The following HERC2 variants were observed in gnomAD, a reference collection of about 807,000 sequenced individuals.
HERC2 encodes E3 ubiquitin-protein ligase HERC2.
HERC2 carries 102 observed loss-of-function variants against 537.7 expected under a neutral mutation model. That is an observed-to-expected ratio of 0.19 (90% CI 0.16 to 0.22). HERC2 has a LOEUF of 0.22. HERC2 is among the 10% of genes least tolerant of loss of function. The pLI, the probability that HERC2 is intolerant of heterozygous loss-of-function variation, is 1.00. For synonymous variants in HERC2, 2,224 were observed against 2,466.2 expected (o/e 0.90, Z 2.91); for missense variants, 4,236 against 6,198.2 (o/e 0.68, Z 10.63).
In HERC2 at chr15:28,269,225, G is replaced by C. The variant is rs567248821; in HGVS notation, c.1446+23C>G. The C allele has an allele frequency of 2.0e-4, 326 of 1,603,988 alleles. 5 individuals carry two copies. In the South Asian group the frequency reaches 3.5e-3, roughly 17 times the overall value. On this transcript the variant is annotated intron_variant, in intron 11 of 92. Coordinates refer to ENST00000261609, the MANE Select transcript of HERC2 (RefSeq NM_004667.6). The stretch of plus-strand genomic sequence containing the variant: ...CCCTGCCCCGCAAGGGAACACTGCA[G>C]GCACAGTGCCCAGAACACTCACCAG...
rs1170152664 is a variant in HERC2 at position 28,214,235 on chromosome 15, G to A, written c.6396C>T (p.Ala2132=). 2 of 1,611,826 alleles carry A rather than the reference G, an allele frequency of 1.2e-6. No individual in the cohort carries two copies. The highest frequency in any genetic ancestry group is 1.7e-6 in the Non-Finnish European group (2 of 1,179,836). ...TGCTGCTGTGGGTGGCAGTCAGCGAGGCCTGCGGGCGCACCCTGCGCCGCC... is the reference window on the plus strand; with the variant it reads ...TGCTGCTGTGGGTGGCAGTCAGCGAAGCCTGCGGGCGCACCCTGCGCCGCC... ...TLRRRRVRPQ[A]SLTATHSSTL... Residue 2132 remains alanine, a synonymous_variant, in exon 41 of 93, where the codon GCC becomes GCT. Coordinates refer to ENST00000261609, the MANE Select transcript of HERC2 (RefSeq NM_004667.6).
intron 56 of HERC2, among the ~76,000 whole-genome samples, chr15:28,183,279 G>A (rs1409907793): frequency 2.0e-5 from 3 of 152,110 alleles, no homozygotes; most frequent in African/African-American, 4.8e-5. Flanking sequence ...GCATAATCCC[G>A]GTTCACTGTA....
In HERC2 at chr15:28,177,089, G is replaced by C. The variant is rs752879268; in HGVS notation, c.9293C>G (p.Thr3098Ser). The change falls in exon 61 of 93, where the codon ACC becomes AGC. Residue 3098 changes from threonine (T) to serine (S), a missense_variant. Thr to Ser is a moderately conservative substitution (Grantham distance 58). This residue lies in a region of HERC2 where 606 missense variants were observed against 884.5 expected (regional missense o/e 0.69). Transcript: ENST00000261609. The surrounding 1 kb of genome is among the most constrained non-coding windows in gnomAD (Gnocchi z 5.0). ...DKPRLIEALKTKRIRDIACGS... is the reference protein window; with the variant it reads ...DKPRLIEALKSKRIRDIACGS... ...ACAGGCGATATCCCGGATACGCTTG[G>C]TTTTCAGGGCCTCGATCAGCCTTGG... is the stretch of plus-strand genomic sequence containing the variant. 1 of 1,613,608 alleles carries C rather than the reference G, an allele frequency of 6.2e-7. No homozygotes were observed. The highest frequency in any genetic ancestry group is 1.7e-5 in the Admixed American group (1 of 60,012).
At chr15:28,279,858 T>C (rs577264486) in intron 5 of HERC2, among the ~76,000 whole-genome samples, 34 of 152,248 alleles carry the variant, frequency 2.2e-4, no homozygotes, top group Admixed American at 3.3e-4. Flanking sequence ...AATAAAATAA[T>C]GGCACAGATT....
chr15:28,310,817 C>A (rs2076921233), intron 2 of HERC2, among the ~76,000 whole-genome samples: 1 of 152,046 alleles, frequency 6.6e-6, no homozygotes, highest in Non-Finnish European at 1.5e-5. Flanking sequence ...GTGGCTGACG[C>A]CTGTAATCCC....
At chr15:28,143,031 GT>G in intron 74 of HERC2, 79 bp from the exon 75 acceptor site, 1 of 1,345,364 alleles carries the variant, frequency 7.4e-7, no homozygotes, top group Non-Finnish European at 1.0e-6. Flanking sequence ...ACCGTCAAAT[GT>G]TTTATTATGT....
chr15:28,175,079 G>C (rs1895128780), intron 64 of HERC2, among the ~76,000 whole-genome samples: 1 of 151,748 alleles, frequency 6.6e-6, no homozygotes, highest in African/African-American at 2.4e-5. Flanking sequence ...ATTTAAAATT[G>C]AATATCCATA....
chr15:28,115,768 C>T (rs1250512779), intron 88 of HERC2, among the ~76,000 whole-genome samples: 1 of 152,218 alleles, frequency 6.6e-6, no homozygotes, highest in Non-Finnish European at 1.5e-5. Context: ...TTTCTGCACG[C>T]ACACTAGTTT....
chr15:28,315,364 G>T (rs2077053416), intron 2 of HERC2, among the ~76,000 whole-genome samples: 1 of 152,256 alleles, frequency 6.6e-6, no homozygotes, highest in Non-Finnish European at 1.5e-5. Context: ...TCACAGCGGA[G>T]ACTGGAGCCG....
At chr15:28,209,130 C>T (rs112503973) in intron 44 of HERC2, among the ~76,000 whole-genome samples, 4 of 152,102 alleles carry the variant, frequency 2.6e-5, no homozygotes, top group South Asian at 4.1e-4. Context: ...TATCTATAAA[C>T]GGATATACAT....
In HERC2 at chr15:28,113,373, C is replaced by A; in HGVS notation, c.14020-90G>T. 7.2e-7 allele frequency: 1 copy of A among 1,389,966 alleles called. No individual in the cohort carries two copies. The highest frequency in any genetic ancestry group is 1.2e-5 in the South Asian group (1 of 81,774). The allele number at this position is 1,389,966 out of a possible 1,614,324, so 86.1% of individuals were successfully genotyped here. ...TCACGCTCCCTCTCTACACCAAGGC[C>A]TGTTTGGGGTGGGGAAAGGTCTGGG... is the stretch of plus-strand genomic sequence containing the variant. On this transcript the variant is annotated intron_variant, in intron 91 of 92. Transcript: ENST00000261609. This position sits in a 1 kb window ranked among gnomAD's most constrained non-coding sequence, Gnocchi z 7.0.
Position 28,113,384 on chromosome 15 carries a change from G to T in HERC2, c.14020-101C>A. 2 of 1,327,734 alleles carry T rather than the reference G, an allele frequency of 1.5e-6. No individual in the cohort carries two copies. The highest frequency in any genetic ancestry group is 1.3e-5 in the South Asian group (1 of 78,802). The allele number at this position is 1,327,734 out of a possible 1,614,324, so 82.2% of individuals were successfully genotyped here. ...CTCTACACCAAGGCCTGTTTGGGGT[G>T]GGGAAAGGTCTGGGGGCTCTGGGTG... is the stretch of plus-strand genomic sequence containing the variant. On this transcript the variant is annotated intron_variant, in intron 91 of 92. Coordinates refer to ENST00000261609, the MANE Select transcript of HERC2 (RefSeq NM_004667.6). The surrounding 1 kb of genome is among the most constrained non-coding windows in gnomAD (Gnocchi z 7.0).
intron 45 of HERC2, among the ~76,000 whole-genome samples, chr15:28,204,780 A>C (rs1276382213): frequency 1.3e-5 from 2 of 152,226 alleles, no homozygotes; most frequent in African/African-American, 4.8e-5. Context: ...AACAAAGCAA[A>C]GCATCTTGAC....
intron 72 of HERC2, 88 bp from the exon 73 acceptor site, chr15:28,144,323 C>A: frequency 2.2e-6 from 3 of 1,381,184 alleles, no homozygotes; most frequent in South Asian, 1.3e-5. Context: ...GTGGCTCCAC[C>A]CAGCCCCACC....
chr15:28,199,751 C>A (rs1045546344), intron 48 of HERC2, among the ~76,000 whole-genome samples: 3 of 152,100 alleles, frequency 2.0e-5, no homozygotes, highest in African/African-American at 7.2e-5. Context: ...GGAGTACATG[C>A]CTATGAAGCT....
chr15:28,165,076 G>T (rs1327080158), intron 68 of HERC2, among the ~76,000 whole-genome samples: 1 of 152,250 alleles, frequency 6.6e-6, no homozygotes, highest in Non-Finnish European at 1.5e-5. Context: ...GCCTGGTGTG[G>T]GGAGCGCCTC....
In HERC2 at chr15:28,163,005, G is replaced by A. The variant is rs372877584; in HGVS notation, c.10746+89C>T. ...GGATGAAACCCAGCACAAGATCACC[G>A]GTGATCCATAGCAGCTCTCCTTTGG... On this transcript the variant is annotated intron_variant, in intron 69 of 92. Coordinates refer to ENST00000261609, the MANE Select transcript of HERC2 (RefSeq NM_004667.6). 3.2e-4 allele frequency: 355 copies of A among 1,107,986 alleles called. 3 individuals carry two copies. In the East Asian group the frequency reaches 7.0e-3, roughly 22 times the overall value. The allele number at this position is 1,107,986 out of a possible 1,614,324, so 68.6% of individuals were successfully genotyped here.
In HERC2 at chr15:28,141,991, T is replaced by G; in HGVS notation, c.11701-145A>C. 4 of 744,620 alleles carry G rather than the reference T, an allele frequency of 5.4e-6. No individual in the cohort carries two copies. The South Asian group carries it at 7.0e-5, about 13-fold the overall frequency. The allele number at this position is 744,620 out of a possible 1,614,324, so 46.1% of individuals were successfully genotyped here. A position where few individuals can be genotyped will look rare whatever the true frequency, so the allele number is the denominator to read the frequency against. On this transcript the variant is annotated intron_variant, in intron 76 of 92. Coordinates refer to ENST00000261609, the MANE Select transcript of HERC2 (RefSeq NM_004667.6). ...TGTTATGGTTCATGGGCAAAACCAA[T>G]AATGACTGCATCAAGTCTAACATAT...
At chr15:28,256,879 G>T (rs2075279606) in intron 17 of HERC2, among the ~76,000 whole-genome samples, 182 bp downstream of exon 17, 1 of 152,220 alleles carries the variant, frequency 6.6e-6, no homozygotes, top group African/African-American at 2.4e-5. Context: ...ACAGGCGTGA[G>T]CCACCGCGCC....
Sources: allele counts gnomAD v4.1 joint callset (sites outside exome capture counted in the v4.1 genomes callset), GRCh38; gene constraint gnomAD v4.1.1; regional missense constraint gnomAD v4.1.1; non-coding constraint Gnocchi (gnomAD v3.1); transcripts MANE v1.5; gene names NCBI Gene and HGNC (gene_info 2026-07-23, HGNC 2026-07-21).